The following SULT1E1 variants were observed in gnomAD, a reference collection of about 807,000 sequenced individuals.
SULT1E1 encodes sulfotransferase 1E1.
A neutral mutation model predicts 33.6 loss-of-function variants in SULT1E1; 36 were observed. The observed-to-expected ratio is 1.07, with a 90% CI of 0.82 to 1.41. SULT1E1 has a LOEUF of 1.41. Ranked by LOEUF, SULT1E1 falls within the 40% of genes most tolerant of loss-of-function variation. The pLI is 0.00. For synonymous variants in SULT1E1, 121 were observed against 111.7 expected (o/e 1.08, Z -0.53); for missense variants, 371 against 345.7 (o/e 1.07, Z -0.58).
the SULT1E1 span, among the ~76,000 whole-genome samples, chr4:69,826,642 C>T: frequency 4.6e-5 from 7 of 152,018 alleles, no homozygotes; most frequent in Non-Finnish European, 8.8e-5. Flanking sequence ...GCCCACAAAC[C>T]CTGAAAAAGA....
chr4:69,825,112 T>C, the SULT1E1 span, among the ~76,000 whole-genome samples: 111 of 151,960 alleles, frequency 7.3e-4, no homozygotes, highest in African/African-American at 2.4e-3. Context: ...CGAAGGTCTG[T>C]GGCTTCACTC....
At chr4:69,837,794 G>C (rs1720817993), downstream of SULT1E1, among the ~76,000 whole-genome samples, 1 of 152,104 alleles carries the variant, frequency 6.6e-6, no homozygotes, top group Non-Finnish European at 1.5e-5. Flanking sequence ...ACCTCCCAAA[G>C]TGCTGGGATT....
At chr4:69,843,928 A>G (rs1353350987) in intron 7 of SULT1E1, among the ~76,000 whole-genome samples, 3 of 152,178 alleles carry the variant, frequency 2.0e-5, no homozygotes, top group African/African-American at 7.2e-5. Context: ...TCCAATGCTG[A>G]GATTGAGGAG....
At chr4:69,855,820 C>T (rs1161763923) in intron 2 of SULT1E1, among the ~76,000 whole-genome samples, 2 of 152,130 alleles carry the variant, frequency 1.3e-5, no homozygotes, top group Admixed American at 6.6e-5. Flanking sequence ...GGTCAGAAAA[C>T]TTAGCAAAGG....
chr4:69,834,753 C>T, the SULT1E1 span, among the ~76,000 whole-genome samples: 2 of 152,202 alleles, frequency 1.3e-5, no homozygotes, highest in South Asian at 4.1e-4. Context: ...AGAAAGATAT[C>T]CTTATTATAA....
At chr4:69,856,700 C>G (rs969941333) in intron 2 of SULT1E1, among the ~76,000 whole-genome samples, 3 of 151,668 alleles carry the variant, frequency 2.0e-5, no homozygotes, top group Non-Finnish European at 4.4e-5. Flanking sequence ...TTTGGGAGGC[C>G]GAGGCGGGTG....
the SULT1E1 span, among the ~76,000 whole-genome samples, chr4:69,823,230 G>T: frequency 2.0e-5 from 3 of 152,152 alleles, no homozygotes; most frequent in East Asian, 1.9e-4. Flanking sequence ...ACTTAATCAG[G>T]CTATGACAGG....
intron 4 of SULT1E1, among the ~76,000 whole-genome samples, chr4:69,852,038 G>T (rs1721126167): frequency 6.6e-6 from 1 of 152,058 alleles, no homozygotes; most frequent in African/African-American, 2.4e-5. Flanking sequence ...ACAAGTTAAT[G>T]GGTGCAGGAT....
the SULT1E1 span, among the ~76,000 whole-genome samples, chr4:69,826,651 G>A: frequency 3.9e-5 from 6 of 152,204 alleles, no homozygotes; most frequent in East Asian, 1.2e-3. Flanking sequence ...CCCTGAAAAA[G>A]AGGTGGCTTA....
chr4:69,849,631 T>A, intron 4 of SULT1E1, 68 bp from the exon 5 acceptor site: 4 of 1,401,008 alleles, frequency 2.9e-6, no homozygotes, highest in South Asian at 2.9e-5. Context: ...AAGATTTTTT[T>A]AAAAAGGATT....
chr4:69,850,909 G>T (rs1220715), intron 4 of SULT1E1, among the ~76,000 whole-genome samples: 17,633 of 151,896 alleles, frequency 0.12, 1,155 homozygotes, highest in Middle Eastern at 0.18. Flanking sequence ...TACTGTACAT[G>T]CTCATTTTTT....
chr4:69,854,562 C>CA (rs1348599184), intron 3 of SULT1E1, among the ~76,000 whole-genome samples: 1 of 151,220 alleles, frequency 6.6e-6, no homozygotes, highest in Non-Finnish European at 1.5e-5. Flanking sequence ...TATATATTCA[C>CA]AAAAATTAAA....
intron 1 of SULT1E1, among the ~76,000 whole-genome samples, chr4:69,859,666 C>T (rs1298719871): frequency 6.6e-6 from 1 of 151,970 alleles, no homozygotes; most frequent in South Asian, 2.1e-4. Context: ...AAGTAATGCC[C>T]CTATTTGCAA....
At chr4:69,830,606 A>G in the SULT1E1 span, among the ~76,000 whole-genome samples, 4 of 152,096 alleles carry the variant, frequency 2.6e-5, no homozygotes, top group Non-Finnish European at 5.9e-5. Context: ...GGGATGCGTC[A>G]TTTGGGTCCC....
chr4:69,841,848 A>AG lies in SULT1E1; in HGVS notation c.*145_*146insC. On this transcript the variant is annotated 3_prime_UTR_variant, in exon 8 of 8. Coordinates refer to ENST00000226444, the MANE Select transcript of SULT1E1 (RefSeq NM_005420.3). ...AGAGTGAGACTCTGTCTCAAAAAAA[A>AG]AAAAAAAAAGTTAAACAAAAATTTA... 1.9e-6 allele frequency: 1 copy of AG among 528,166 alleles called. No individual in the cohort carries two copies. The highest frequency in any genetic ancestry group is 3.2e-6 in the Non-Finnish European group (1 of 308,496). The allele number at this position is 528,166 out of a possible 1,614,324, so 32.7% of individuals were successfully genotyped here. A position where few individuals can be genotyped will look rare whatever the true frequency, so the allele number is the denominator to read the frequency against.
chr4:69,831,314 C>T, the SULT1E1 span, among the ~76,000 whole-genome samples: 17 of 152,202 alleles, frequency 1.1e-4, no homozygotes, highest in East Asian at 9.7e-4. Flanking sequence ...CTTTTGGGTT[C>T]GGCTGCTTGG....
At chr4:69,859,435 G>A (rs545660553) in intron 1 of SULT1E1, among the ~76,000 whole-genome samples, 1 of 152,202 alleles carries the variant, frequency 6.6e-6, no homozygotes, top group African/African-American at 2.4e-5. Context: ...TGAGGGCAAA[G>A]TGACTTTTGT....
chr4:69,830,681 A>G, the SULT1E1 span, among the ~76,000 whole-genome samples: 3 of 152,130 alleles, frequency 2.0e-5, no homozygotes, highest in Admixed American at 6.5e-5. Flanking sequence ...TGTCTGCAGG[A>G]GCATTTGCTT....
chr4:69,839,869 T>C (rs1157233566), downstream of SULT1E1, among the ~76,000 whole-genome samples: 1 of 152,216 alleles, frequency 6.6e-6, no homozygotes, highest in Non-Finnish European at 1.5e-5. Context: ...TGGCAAGCTT[T>C]GGAAAGATAT....
Sources: allele counts gnomAD v4.1 joint callset (sites outside exome capture counted in the v4.1 genomes callset), GRCh38; gene constraint gnomAD v4.1.1; transcripts MANE v1.5; gene names NCBI Gene and HGNC (gene_info 2026-07-23, HGNC 2026-07-21).